Variants in MTMR10 observed in about 807,000 individuals in gnomAD.
MTMR10 encodes myotubularin related protein 10.
Under a neutral mutation model 88.1 loss-of-function variants are expected in MTMR10, and 56 were observed. That is an observed-to-expected ratio of 0.64 (90% confidence interval 0.51 to 0.79). The LOEUF is 0.79. MTMR10 is among the 30% of genes least tolerant of loss of function. The pLI, the probability that MTMR10 is intolerant of heterozygous loss-of-function variation, is 0.00. For missense variants in MTMR10, 883 were observed against 924.7 expected, an observed-to-expected ratio of 0.95 and a Z score of 0.58; for synonymous variants, 380 against 340.9, an observed-to-expected ratio of 1.11 and a Z score of -1.26.
the MTMR10 span, among the ~76,000 whole-genome samples, chr15:30,933,758 T>C: frequency 7.1e-6 from 1 of 140,300 alleles, no homozygotes; most frequent in Non-Finnish European, 1.5e-5. Flanking sequence ...CTTTTCTTTT[T>C]TTTTTTGTTT....
At chr15:30,942,326 T>C in intron 15 of MTMR10, 1 of 542,312 alleles carries the variant, frequency 1.8e-6, no homozygotes, top group Non-Finnish European at 3.2e-6. Context: ...TATCCACTAA[T>C]TTGCTTAAGG....
the MTMR10 span, chr15:30,927,389 G>A: frequency 1.0e-6 from 1 of 985,458 alleles, no homozygotes; most frequent in African/African-American, 1.7e-5. Flanking sequence ...GCAACAGCCA[G>A]GAGTCCTGAG....
In MTMR10 at chr15:30,939,816, A is replaced by T; in HGVS notation, c.*1654T>A. On this transcript the variant is annotated 3_prime_UTR_variant, in exon 16 of 16. Transcript: ENST00000435680. ...TATAAGGAGATTGGGTCTGGTTTCT[A>T]ATCAAGGACTGTAAAATGTTTAATA... The T allele has an allele frequency of 6.1e-6, 6 of 985,272 alleles. No individual in the cohort carries two copies. The highest frequency in any genetic ancestry group is 7.2e-6 in the Non-Finnish European group (6 of 829,758). The allele number at this position is 985,272 out of a possible 1,614,324, so 61.0% of individuals were successfully genotyped here. A position where few individuals can be genotyped will look rare whatever the true frequency, so the allele number is the denominator to read the frequency against.
chr15:30,969,490 A>T (rs2063511693), intron 5 of MTMR10, among the ~76,000 whole-genome samples: 1 of 152,122 alleles, frequency 6.6e-6, no homozygotes, highest in African/African-American at 2.4e-5. Flanking sequence ...CACCGTTGAT[A>T]AGCTATGTTG....
At chr15:30,943,556 G>A in intron 14 of MTMR10, 3 of 985,454 alleles carry the variant, frequency 3.0e-6, no homozygotes, top group Non-Finnish European at 3.6e-6. Context: ...CACTGAGCCA[G>A]TGATCTCAAA....
rs969824413 is a variant in MTMR10, at chr15:30,939,999, T to G, written c.*1471A>C. On this transcript the variant is annotated 3_prime_UTR_variant, in exon 16 of 16. Coordinates refer to ENST00000435680, the MANE Select transcript of MTMR10 (RefSeq NM_017762.3). ...TATCAAATTTTAAAAGGCAAATAATTCAAAAAGAAACAGCTATTCAGTACA... is the reference window on the plus strand; with the variant it reads ...TATCAAATTTTAAAAGGCAAATAATGCAAAAAGAAACAGCTATTCAGTACA... The G allele has an allele frequency of 6.3e-5, 62 of 977,134 alleles. No individual in the cohort carries two copies. The African/African-American group carries it at 1.1e-3, about 17-fold the overall frequency. The allele number at this position is 977,134 out of a possible 1,614,324, so 60.5% of individuals were successfully genotyped here.
intron 10 of MTMR10, 27 bp downstream of exon 10, chr15:30,954,734 TTA>T (rs1566951751): frequency 1.9e-6 from 3 of 1,567,166 alleles, no homozygotes; most frequent in Admixed American, 3.9e-5. Flanking sequence ...CCTGTGTTCA[TTA>T]TATATATGAA....
At chr15:30,983,333 C>T (rs2141066071) in intron 2 of MTMR10, among the ~76,000 whole-genome samples, 1 of 152,260 alleles carries the variant, frequency 6.6e-6, no homozygotes, top group Non-Finnish European at 1.5e-5. Context: ...CTACTAACAC[C>T]TGGGAGGAAA....
At chr15:30,929,472 A>C in the MTMR10 span, 2 of 1,112,570 alleles carry the variant, frequency 1.8e-6, no homozygotes, top group Non-Finnish European at 2.6e-6. Context: ...CAGCAACTTT[A>C]TCAAAATACA....
At chr15:30,959,163 G>A (rs2949573) in intron 7 of MTMR10, 42 bp from the exon 8 acceptor site, 690,465 of 1,506,360 alleles carry the variant, frequency 0.46, 164,738 homozygotes, top group East Asian at 0.86. Context: ...TGTGCTAAAA[G>A]CAGGAATAGT....
At chr15:30,955,639 A>G (rs546314225) in intron 9 of MTMR10, among the ~76,000 whole-genome samples, 86 of 152,174 alleles carry the variant, frequency 5.7e-4, no homozygotes, top group African/African-American at 2.0e-3. Context: ...AAACAGAAAC[A>G]CTGCCAAGGG....
chr15:30,930,686 A>C, the MTMR10 span: 1 of 1,612,322 alleles, frequency 6.2e-7, no homozygotes, highest in Non-Finnish European at 8.5e-7. Context: ...GTTGAGGCAG[A>C]ATGGAAAGTC....
chr15:30,946,046 T>C (rs2063166580), intron 14 of MTMR10, among the ~76,000 whole-genome samples: 2 of 152,204 alleles, frequency 1.3e-5, no homozygotes, highest in Admixed American at 1.3e-4. Context: ...CAATCTCTCC[T>C]GCCTTTTGTG....
At position 30,947,242 on chromosome 15, in the gene MTMR10, G is replaced by A. The variant is rs2063184363; in HGVS notation, c.1436C>T (p.Ala479Val). 10 of 1,613,832 alleles carry A rather than the reference G, an allele frequency of 6.2e-6. No homozygotes were observed. The highest frequency in any genetic ancestry group is 1.7e-5 in the Admixed American group (1 of 59,986). The part of the protein sequence containing the change: ...ATWQLLEQYP[A>V]AFEFSETYLA... ...GTAGGTTTCGGAGAACTCAAAAGCT[G>A]CAGGATATTGTTCTAACAGCTGCCA... Residue 479 changes from alanine (A) to valine (V), a missense_variant, in exon 14 of 16, where the codon GCA becomes GTA. Ala to Val is a moderately conservative substitution (Grantham distance 64, BLOSUM62 0). Transcript: ENST00000435680.
At position 30,942,982 on chromosome 15, in the gene MTMR10, T is replaced by C; in HGVS notation, c.1639A>G (p.Lys547Glu). 6.4e-7 allele frequency: 1 copy of C among 1,554,722 alleles called. No homozygotes were observed. Among genetic ancestry groups the C allele is most frequent in the Middle Eastern group, 1.7e-4 (1 of 5,998 alleles). The change falls in exon 15 of 16, where the codon AAG becomes GAG. Residue 547 changes from lysine to glutamate, a missense_variant. This residue lies in a region of MTMR10 where 343 missense variants were observed against 323.2 expected (regional missense o/e 1.06). Transcript: ENST00000435680. ...VWDWSLQFTA[K>E]DRTLFHNPFY... ...GGGTTATGGAAAAGGGTGCGATCCT[T>C]TGCTGTAAACTGGAGAGACCAGTCC...
the MTMR10 span, chr15:30,926,006 T>C: frequency 1.5e-5 from 23 of 1,513,808 alleles, no homozygotes; most frequent in South Asian, 8.1e-5. Context: ...CTGGATGGGC[T>C]GTCAGCAGTG....
chr15:30,975,483 T>C (rs966703890), intron 3 of MTMR10, among the ~76,000 whole-genome samples: 5 of 152,286 alleles, frequency 3.3e-5, no homozygotes, highest in South Asian at 2.1e-4. Context: ...AGGGCACTGG[T>C]TTACTTTTTC....
At chr15:30,930,848 C>T in the MTMR10 span, among the ~76,000 whole-genome samples, 2 of 152,104 alleles carry the variant, frequency 1.3e-5, no homozygotes, top group Non-Finnish European at 2.9e-5. Flanking sequence ...TCAGAGCAGG[C>T]GGGTGAGAGG....
chr15:30,925,822 G>A, the MTMR10 span: 5 of 1,614,098 alleles, frequency 3.1e-6, no homozygotes, highest in East Asian at 2.2e-5. Context: ...CCCACAGCGT[G>A]GGATGTGCAA....
Sources: gnomAD v4.1 joint callset for allele counts (sites outside exome capture counted in the v4.1 genomes callset) on GRCh38, gnomAD v4.1.1 for gene constraint, gnomAD v4.1.1 regional missense constraint, MANE v1.5 for transcripts, NCBI Gene and HGNC (gene_info 2026-07-23, HGNC 2026-07-21) for gene names.